The following NBEA variants were observed in gnomAD, a reference collection of about 807,000 sequenced individuals.
The protein encoded by NBEA is lysosomal-trafficking regulator 2.
Under a neutral mutation model 343.4 loss-of-function variants are expected in NBEA, and 44 were observed. The ratio of observed to expected loss-of-function variants is 0.13; its 90% CI spans 0.10 to 0.16. The LOEUF (loss-of-function observed/expected upper bound fraction) is 0.16, where lower values mean the gene tolerates loss of function less well. Ranked by LOEUF, NBEA falls within the 10% of genes least tolerant of loss-of-function variation. The probability of loss-of-function intolerance (pLI) is 1.00; values close to 1 mark genes in which losing one functional copy is unlikely to be tolerated. For missense variants in NBEA, 2,555 were observed against 3,631.3 expected (o/e 0.70, Z 7.62); for synonymous variants, 1,175 against 1,238.7 (o/e 0.95, Z 1.08).
chr13:35,547,910 T>C (rs1313045375), intron 41 of NBEA, among the ~76,000 whole-genome samples: 2 of 150,186 alleles, frequency 1.3e-5, no homozygotes, highest in African/African-American at 4.9e-5. Context: ...AAAAGGGAAT[T>C]GATGAAGCCA....
intron 38 of NBEA, among the ~76,000 whole-genome samples, chr13:35,413,474 G>C (rs1440943666): frequency 6.6e-6 from 1 of 152,048 alleles, no homozygotes; most frequent in African/African-American, 2.4e-5. Flanking sequence ...GCTTCACCAG[G>C]TAAATTCAGG....
intron 45 of NBEA, among the ~76,000 whole-genome samples, chr13:35,573,541 G>C (rs1386546717): frequency 6.6e-6 from 1 of 152,178 alleles, no homozygotes; most frequent in Admixed American, 6.5e-5. Flanking sequence ...GGGTGACAGG[G>C]AGCTTTATAG....
At chr13:35,011,354 T>G (rs1334048421) in intron 1 of NBEA, among the ~76,000 whole-genome samples, 1 of 152,182 alleles carries the variant, frequency 6.6e-6, no homozygotes, top group African/African-American at 2.4e-5. Flanking sequence ...CCTTCTCATC[T>G]ATAAATTGAG....
At chr13:35,420,326 A>T (rs1482333649) in intron 38 of NBEA, among the ~76,000 whole-genome samples, 5 of 152,058 alleles carry the variant, frequency 3.3e-5, no homozygotes, top group Non-Finnish European at 7.4e-5. Flanking sequence ...CTTTTCTAAA[A>T]TTGTGAATCG....
At chr13:35,546,112 T>G (rs2079045811) in intron 41 of NBEA, among the ~76,000 whole-genome samples, 1 of 152,320 alleles carries the variant, frequency 6.6e-6, no homozygotes, top group East Asian at 1.9e-4. Context: ...TATCGAACAG[T>G]AAATAGGATA....
At position 35,176,784 on chromosome 13, in the gene NBEA, T is replaced by C. The variant is rs540887197; in HGVS notation, c.4555-212T>C. Among the ~76,000 whole-genome samples the C allele has an allele frequency of 2.6e-5, 4 of 152,064 alleles. No individual in the cohort carries two copies. In the East Asian group the frequency reaches 7.7e-4, roughly 29 times the overall value. On this transcript the variant is annotated intron_variant, in intron 27 of 58. Transcript: ENST00000379939. ...GCCTTTATGAGTCTATAGTGGTAGC[T>C]GTGCCAATAAAGAACAAGAATGCTA...
At position 35,354,859 on chromosome 13, in the gene NBEA, G is replaced by A. The variant is rs115295102; in HGVS notation, c.6179+2536G>A. Among the ~76,000 whole-genome samples the A allele has an allele frequency of 8.5e-3, 1,292 of 152,208 alleles. 20 individuals carry two copies. Among genetic ancestry groups the A allele is most frequent in the African/African-American group, 0.029 (1,225 of 41,538 alleles). ...CAAGTCCAGATCTCTCCCGTCGCCA[G>A]GTCTGTATATTCATCTGCCCACTTG... On this transcript the variant is annotated intron_variant, in intron 38 of 58. Coordinates refer to ENST00000379939, the MANE Select transcript of NBEA (RefSeq NM_001385012.1).
intron 38 of NBEA, among the ~76,000 whole-genome samples, chr13:35,425,640 A>C (rs1252582202): frequency 6.6e-6 from 1 of 152,200 alleles, no homozygotes; most frequent in African/African-American, 2.4e-5. Flanking sequence ...TGGGGTGGAC[A>C]GTTCTGTAGA....
At chr13:35,018,639 A>G (rs1470363104) in intron 1 of NBEA, among the ~76,000 whole-genome samples, 2 of 152,160 alleles carry the variant, frequency 1.3e-5, no homozygotes, top group Non-Finnish European at 2.9e-5. Flanking sequence ...ACTTTTGGGT[A>G]GATTCCTTAG....
At chr13:35,052,189 C>A (rs1457322121) in intron 6 of NBEA, among the ~76,000 whole-genome samples, 2 of 151,972 alleles carry the variant, frequency 1.3e-5, no homozygotes, top group Non-Finnish European at 2.9e-5. Flanking sequence ...TAAATTCATT[C>A]TCTTGTTTAT....
intron 41 of NBEA, among the ~76,000 whole-genome samples, chr13:35,473,749 T>C (rs932782752): frequency 6.6e-6 from 1 of 152,224 alleles, no homozygotes; most frequent in Non-Finnish European, 1.5e-5. Flanking sequence ...ATTCTGCTAA[T>C]GGAACCCTTA....
chr13:35,395,583 C>T (rs1740787131), intron 38 of NBEA, among the ~76,000 whole-genome samples: 1 of 152,104 alleles, frequency 6.6e-6, no homozygotes, highest in Non-Finnish European at 1.5e-5. Context: ...GACTAATACA[C>T]ATACCATGTT....
chr13:35,384,999 A>G (rs1016396003), intron 38 of NBEA, among the ~76,000 whole-genome samples: 1 of 152,158 alleles, frequency 6.6e-6, no homozygotes, highest in South Asian at 2.1e-4. Context: ...TTCTCTTTCG[A>G]AAGTATACTC....
rs529267064 is a variant in NBEA at position 35,169,901 on chromosome 13, C to T, written c.4242+906C>T. Among the ~76,000 whole-genome samples, 4 of 151,800 alleles carry T rather than the reference C, an allele frequency of 2.6e-5. No individual in the cohort carries two copies. In the East Asian group the frequency reaches 7.7e-4, roughly 29 times the overall value. On this transcript the variant is annotated intron_variant, in intron 25 of 58. Transcript: ENST00000379939. ...TTTAAAATCCAAGTAATGAATTAAT[C>T]ATTTCTTTATGCCATGTGTACTGAA...
intron 40 of NBEA, among the ~76,000 whole-genome samples, 160 bp from the exon 41 acceptor site, chr13:35,472,240 T>C (rs1402774317): frequency 1.3e-5 from 2 of 152,236 alleles, no homozygotes; most frequent in African/African-American, 4.8e-5. Context: ...GTATAAAAGC[T>C]AAGTAGTCCT....
At chr13:35,156,920 C>T (rs1025854224) in intron 20 of NBEA, among the ~76,000 whole-genome samples, 158 bp from the exon 21 acceptor site, 4 of 152,136 alleles carry the variant, frequency 2.6e-5, no homozygotes, top group African/African-American at 9.7e-5. Flanking sequence ...AAGAGAAAGT[C>T]ATTCCAAGTA....
chr13:35,390,759 T>C (rs1159041639), intron 38 of NBEA, among the ~76,000 whole-genome samples: 1 of 152,222 alleles, frequency 6.6e-6, no homozygotes, highest in Non-Finnish European at 1.5e-5. Context: ...TTGTTTTTAT[T>C]AAAGTAGTAA....
At chr13:35,148,518 A>T (rs1312977268) in intron 18 of NBEA, among the ~76,000 whole-genome samples, 1 of 152,170 alleles carries the variant, frequency 6.6e-6, no homozygotes, top group Admixed American at 6.5e-5. Context: ...TTCTGTCAGA[A>T]TTAATATTCA....
intron 8 of NBEA, among the ~76,000 whole-genome samples, chr13:35,065,766 G>A (rs1240691674): frequency 1.3e-5 from 2 of 152,066 alleles, no homozygotes; most frequent in Non-Finnish European, 2.9e-5. Context: ...AACCCTGAGA[G>A]TAACTACTGA....
Sources: allele counts gnomAD v4.1 joint callset (sites outside exome capture counted in the v4.1 genomes callset), GRCh38; gene constraint gnomAD v4.1.1; transcripts MANE v1.5; gene names NCBI Gene and HGNC (gene_info 2026-07-23, HGNC 2026-07-21).